SAE1: variants seen among roughly 807,000 people sequenced by gnomAD.
The protein encoded by SAE1 is SUMO1 activating enzyme subunit 1, also known as SUMO-activating enzyme subunit 1.
Under a neutral mutation model 40.6 loss-of-function variants are expected in SAE1, and 11 were observed. The ratio of observed to expected loss-of-function variants is 0.27; its 90% confidence interval spans 0.17 to 0.45. The LOEUF (loss-of-function observed/expected upper bound fraction) is 0.45. SAE1 is among the 20% of genes least tolerant of loss of function. The pLI, the probability that SAE1 is intolerant of heterozygous loss-of-function variation, is 1.00. For synonymous variants in SAE1, 155 were observed against 154.3 expected, an observed-to-expected ratio of 1.00 and a Z score of -0.03; for missense variants, 373 against 427.3, an observed-to-expected ratio of 0.87 and a Z score of 1.12.
chr19:47,174,695 C>T (rs2058457701), intron 6 of SAE1, among the ~76,000 whole-genome samples: 1 of 151,470 alleles, frequency 6.6e-6, no homozygotes, highest in African/African-American at 2.4e-5. Flanking sequence ...GCCTCAGCCT[C>T]CCGAGTAGCT....
chr19:47,139,195 G>C (rs1036752318), intron 1 of SAE1, among the ~76,000 whole-genome samples: 1 of 151,976 alleles, frequency 6.6e-6, no homozygotes, highest in East Asian at 1.9e-4. Flanking sequence ...CAAGTGATCC[G>C]ACCGCCTCGG....
intron 5 of SAE1, among the ~76,000 whole-genome samples, chr19:47,160,888 G>C (rs1193259191): frequency 1.3e-5 from 2 of 152,212 alleles, no homozygotes; most frequent in South Asian, 4.1e-4. Context: ...ATAGGGCAAC[G>C]AGGGGTGTAA....
intron 6 of SAE1, among the ~76,000 whole-genome samples, chr19:47,185,190 A>G (rs908808029): frequency 1.3e-5 from 2 of 152,220 alleles, no homozygotes; most frequent in African/African-American, 4.8e-5. Context: ...CTGTTTCAAC[A>G]TAGTTTTTTA....
chr19:47,196,332 GC>G (rs2058615055), intron 6 of SAE1, among the ~76,000 whole-genome samples: 7 of 76,324 alleles, frequency 9.2e-5, no homozygotes, highest in Admixed American at 5.8e-4. Context: ...ACCGCGCCTG[GC>G]TTTTTTTTTT....
intron 5 of SAE1, among the ~76,000 whole-genome samples, chr19:47,160,519 C>T (rs928903395): frequency 1.7e-4 from 26 of 151,416 alleles, no homozygotes; most frequent in Non-Finnish European, 3.7e-4. Flanking sequence ...CTCAGCCTCC[C>T]GAGTAGCTGG....
intron 1 of SAE1, among the ~76,000 whole-genome samples, chr19:47,136,610 T>C (rs1383126021): frequency 1.3e-5 from 2 of 148,718 alleles, no homozygotes; most frequent in African/African-American, 5.0e-5. Flanking sequence ...ATTCTTCTGG[T>C]TCAGCCTCCC....
At chr19:47,132,574 G>A (rs577800991) in intron 1 of SAE1, among the ~76,000 whole-genome samples, 1 of 151,708 alleles carries the variant, frequency 6.6e-6, no homozygotes, top group African/African-American at 2.4e-5. Context: ...ACCATGCCTG[G>A]CCTCATTGAT....
At chr19:47,163,001 T>A (rs538671422) in intron 5 of SAE1, among the ~76,000 whole-genome samples, 45 of 151,546 alleles carry the variant, frequency 3.0e-4, no homozygotes, top group East Asian at 1.7e-3. Flanking sequence ...CAAAAAAAAA[T>A]TTTTTTTTAA....
chr19:47,175,107 A>ATTTTTTTTTTTTTTTTT, intron 6 of SAE1, among the ~76,000 whole-genome samples: 1 of 91,706 alleles, frequency 1.1e-5, no homozygotes, highest in African/African-American at 4.1e-5. Flanking sequence ...AGTGGCCTTG[A>ATTTTTTTTTTTTTTTTT]TTTTTTTTTT....
rs568651011 is a variant in SAE1, at chr19:47,178,721, C to T, written c.733+8798C>T. 1.8e-4 allele frequency among the ~76,000 whole-genome samples: 27 copies of T among 152,322 alleles called. No homozygotes were observed. The South Asian group carries it at 5.0e-3, about 28-fold the overall frequency. ...CTCTTGACCTCAAGTGATCCATGCA[C>T]CTCGGCCTTCCAGGTGCTGAGTTTA... On this transcript the variant is annotated intron_variant, in intron 6 of 8. Coordinates refer to ENST00000270225, the MANE Select transcript of SAE1 (RefSeq NM_005500.3).
At chr19:47,169,770 G>A (rs1422984590) in intron 5 of SAE1, 48 bp from the exon 6 acceptor site, 1 of 1,252,968 alleles carries the variant, frequency 8.0e-7, no homozygotes, top group Non-Finnish European at 1.2e-6. Flanking sequence ...CCTTGTGATT[G>A]GAAGCCAGCA....
At chr19:47,177,706 TAATC>T (rs888351145) in intron 6 of SAE1, among the ~76,000 whole-genome samples, 4 of 152,216 alleles carry the variant, frequency 2.6e-5, no homozygotes, top group African/African-American at 4.8e-5. Context: ...TATTCCATAA[TAATC>T]AAAGTAATTT....
intron 3 of SAE1, among the ~76,000 whole-genome samples, 183 bp from the exon 4 acceptor site, chr19:47,152,715 C>T (rs904539904): frequency 6.6e-6 from 1 of 152,144 alleles, no homozygotes; most frequent in African/African-American, 2.4e-5. Context: ...ATATTTTCTA[C>T]ACATTGAAAC....
intron 6 of SAE1, among the ~76,000 whole-genome samples, chr19:47,173,103 A>G (rs2123259998): frequency 6.6e-6 from 1 of 152,230 alleles, no homozygotes. Context: ...ATCTTGGCTC[A>G]CTGCAACTTC....
intron 6 of SAE1, among the ~76,000 whole-genome samples, chr19:47,170,503 C>CTTTTTTTTTTT (rs34836827): frequency 2.4e-5 from 2 of 83,910 alleles, no homozygotes; most frequent in African/African-American, 9.5e-5. Context: ...CGCCCCCCGC[C>CTTTTTTTTTTT]TTTTTTTTTT....
intron 7 of SAE1, among the ~76,000 whole-genome samples, chr19:47,202,401 C>T (rs1397843732): frequency 6.6e-6 from 1 of 151,894 alleles, no homozygotes; most frequent in Admixed American, 6.6e-5. Flanking sequence ...GATTCTCCTG[C>T]CTCAACCTCC....
chr19:47,193,902 T>C (rs1180226683), intron 6 of SAE1, among the ~76,000 whole-genome samples: 1 of 151,710 alleles, frequency 6.6e-6, no homozygotes, highest in East Asian at 1.9e-4. Context: ...CCGTCTATAC[T>C]GGACAGGTGG....
chr19:47,197,748 A>G (rs1403712941), intron 7 of SAE1, among the ~76,000 whole-genome samples: 1 of 152,154 alleles, frequency 6.6e-6, no homozygotes, highest in Non-Finnish European at 1.5e-5. Context: ...TAGAGTGTGA[A>G]GCGATGGAGT....
chr19:47,137,755 C>T (rs1276351976), intron 1 of SAE1, among the ~76,000 whole-genome samples: 1 of 135,300 alleles, frequency 7.4e-6, no homozygotes, highest in African/African-American at 2.8e-5. Flanking sequence ...TTGTGATGGA[C>T]TCTCACTCTG....
Sources: allele counts gnomAD v4.1 joint callset (sites outside exome capture counted in the v4.1 genomes callset), GRCh38; gene constraint gnomAD v4.1.1; transcripts MANE v1.5; gene names NCBI Gene and HGNC (gene_info 2026-07-23, HGNC 2026-07-21).